Variants in TENM2 observed in about 807,000 individuals in gnomAD.
TENM2 encodes teneurin transmembrane protein 2.
TENM2 carries 52 observed loss-of-function variants against 245.2 expected under a neutral mutation model. The observed-to-expected ratio is 0.21, with a 90% CI of 0.17 to 0.27. TENM2 has a LOEUF of 0.27. Among genes scored for constraint, TENM2 ranks in the 10% least tolerant of loss-of-function variants. The pLI, the probability that TENM2 is intolerant of heterozygous loss-of-function variation, is 1.00. For missense variants in TENM2, 3,046 were observed against 3,666.8 expected (o/e 0.83, Z 4.37); for synonymous variants, 1,363 against 1,438.9 (o/e 0.95, Z 1.19).
the TENM2 span, among the ~76,000 whole-genome samples, chr5:166,980,831 C>T: frequency 2.6e-5 from 4 of 152,174 alleles, no homozygotes; most frequent in Admixed American, 2.6e-4. Context: ...ACATCCAGTT[C>T]AGGGATACTC....
At chr5:167,747,733 A>G (rs551383984) in intron 2 of TENM2, among the ~76,000 whole-genome samples, 2 of 152,336 alleles carry the variant, frequency 1.3e-5, no homozygotes, top group South Asian at 2.1e-4. Context: ...TTCATTGTCA[A>G]CAGTATCCTA....
chr5:168,125,666 G>A (rs946138233), intron 11 of TENM2, among the ~76,000 whole-genome samples: 27 of 151,890 alleles, frequency 1.8e-4, no homozygotes, highest in African/African-American at 5.8e-4. Context: ...TGAGACAGCT[G>A]TCAGATTGCC....
intron 2 of TENM2, among the ~76,000 whole-genome samples, chr5:167,590,451 T>G (rs1291975579): frequency 6.6e-6 from 1 of 152,132 alleles, no homozygotes; most frequent in African/African-American, 2.4e-5. Flanking sequence ...GTGTGTGACA[T>G]GAGGATCTAG....
chr5:168,163,165 GT>G (rs1358039675), intron 13 of TENM2, among the ~76,000 whole-genome samples: 1 of 152,210 alleles, frequency 6.6e-6, no homozygotes, highest in Non-Finnish European at 1.5e-5. Context: ...CCTTTGAGAT[GT>G]CACTCTACAG....
chr5:167,304,574 G>T (rs1755552840), intron 1 of TENM2, among the ~76,000 whole-genome samples: 1 of 152,170 alleles, frequency 6.6e-6, no homozygotes, highest in Non-Finnish European at 1.5e-5. Flanking sequence ...ACGTGATTTG[G>T]TACTTAGGGA....
intron 2 of TENM2, among the ~76,000 whole-genome samples, chr5:167,712,979 C>T (rs2150489264): frequency 6.6e-6 from 1 of 152,158 alleles, no homozygotes; most frequent in East Asian, 1.9e-4. Flanking sequence ...AGACAGAGCC[C>T]AGACAAAAGT....
At chr5:167,803,451 A>G (rs1765925967) in intron 2 of TENM2, among the ~76,000 whole-genome samples, 1 of 152,130 alleles carries the variant, frequency 6.6e-6, no homozygotes, top group Non-Finnish European at 1.5e-5. Context: ...AACCAGTGAC[A>G]GCTTTCCTAG....
intron 21 of TENM2, 141 bp from the exon 24 acceptor site, chr5:168,216,627 C>A: frequency 1.3e-6 from 1 of 743,014 alleles, no homozygotes; most frequent in Non-Finnish European, 2.3e-6. Flanking sequence ...AGGCTGAGAA[C>A]CACTGCTCTG....
chr5:167,748,497 G>A (rs150498944), intron 2 of TENM2, among the ~76,000 whole-genome samples: 3 of 152,024 alleles, frequency 2.0e-5, no homozygotes, highest in African/African-American at 7.2e-5. Flanking sequence ...TCTCACCTCA[G>A]CCTCTTCAGT....
intron 4 of TENM2, among the ~76,000 whole-genome samples, chr5:167,961,447 G>A (rs1279117758): frequency 6.6e-6 from 1 of 152,016 alleles, no homozygotes. Context: ...CTATTTTTAC[G>A]TTAACAGACT....
At chr5:167,014,385 G>T in the TENM2 span, among the ~76,000 whole-genome samples, 4 of 152,232 alleles carry the variant, frequency 2.6e-5, no homozygotes, top group South Asian at 8.3e-4. Flanking sequence ...AATTCTGTGG[G>T]TCTCAAGTCT....
the TENM2 span, among the ~76,000 whole-genome samples, chr5:167,043,961 A>C: frequency 6.6e-6 from 1 of 151,754 alleles, no homozygotes; most frequent in Non-Finnish European, 1.5e-5. Context: ...TAGAGGTTGC[A>C]GTGAGCCGAG....
At chr5:167,834,816 A>AT (rs1768835504) in intron 2 of TENM2, among the ~76,000 whole-genome samples, 3 of 151,790 alleles carry the variant, frequency 2.0e-5, no homozygotes, top group East Asian at 3.9e-4. Flanking sequence ...CGCCCAGCTA[A>AT]TTTTTTTGTA....
At chr5:167,669,659 T>C (rs1260478003) in intron 2 of TENM2, among the ~76,000 whole-genome samples, 1 of 152,018 alleles carries the variant, frequency 6.6e-6, no homozygotes, top group Non-Finnish European at 1.5e-5. Context: ...CTTTTTCACC[T>C]CCAACTCCAA....
At chr5:167,443,537 TAGC>T (rs201794044) in intron 2 of TENM2, among the ~76,000 whole-genome samples, 1,913 of 152,304 alleles carry the variant, frequency 0.013, 78 homozygotes, top group Admixed American at 0.085. Context: ...TGATTGTTAA[TAGC>T]TATGTGAATT....
At chr5:167,881,309 G>A (rs980601947) in intron 3 of TENM2, among the ~76,000 whole-genome samples, 5 of 152,104 alleles carry the variant, frequency 3.3e-5, no homozygotes, top group Non-Finnish European at 7.4e-5. Flanking sequence ...AAAAGCCATT[G>A]TACATCCTGT....
At chr5:167,263,339 A>T in the TENM2 span, among the ~76,000 whole-genome samples, 1 of 121,300 alleles carries the variant, frequency 8.2e-6, no homozygotes, top group Non-Finnish European at 1.9e-5. Context: ...CAGTCTTAAG[A>T]ATGTTGTTCA....
intron 2 of TENM2, among the ~76,000 whole-genome samples, chr5:167,553,099 AG>A (rs909362037): frequency 1.3e-5 from 2 of 152,250 alleles, no homozygotes; most frequent in African/African-American, 4.8e-5. Flanking sequence ...CACACAGCAA[AG>A]GAAACTGATG....
At chr5:167,868,188 C>A (rs1023389537) in intron 2 of TENM2, among the ~76,000 whole-genome samples, 1 of 152,216 alleles carries the variant, frequency 6.6e-6, no homozygotes, top group Non-Finnish European at 1.5e-5. Flanking sequence ...TGTTTAGCAG[C>A]ACCCCTGTCC....
Sources: allele counts gnomAD v4.1 joint callset (sites outside exome capture counted in the v4.1 genomes callset), GRCh38; gene constraint gnomAD v4.1.1; transcripts MANE v1.5; gene names NCBI Gene and HGNC (gene_info 2026-07-23, HGNC 2026-07-21).